The following HEMK2 variants were observed in gnomAD, a reference collection of about 807,000 sequenced individuals.
HEMK2 encodes methyltransferase HEMK2.
the HEMK2 span, among the ~76,000 whole-genome samples, chr21:28,803,360 TTAAGAAATGGCCTTTG>T: frequency 6.6e-6 from 1 of 152,140 alleles, no homozygotes; most frequent in East Asian, 1.9e-4. Flanking sequence ...TAATAGAATC[TTAAGAAATGGCCTTTG>T]TATACATAGT....
the HEMK2 span, among the ~76,000 whole-genome samples, chr21:28,619,709 A>G: frequency 5.9e-5 from 9 of 152,322 alleles, no homozygotes; most frequent in Non-Finnish European, 1.2e-4. Context: ...TAGAAGAACT[A>G]TTGATTCAGT....
At chr21:28,861,070 C>G in the HEMK2 span, among the ~76,000 whole-genome samples, 2 of 152,212 alleles carry the variant, frequency 1.3e-5, no homozygotes, top group African/African-American at 4.8e-5. Flanking sequence ...AAGATATACC[C>G]TTGACCAATG....
At chr21:28,738,370 T>C in the HEMK2 span, among the ~76,000 whole-genome samples, 2 of 152,160 alleles carry the variant, frequency 1.3e-5, no homozygotes, top group Non-Finnish European at 2.9e-5. Flanking sequence ...GGAGAAGGTG[T>C]TGGCAACCTT....
chr21:28,689,234 G>A, the HEMK2 span, among the ~76,000 whole-genome samples: 4 of 152,108 alleles, frequency 2.6e-5, no homozygotes, highest in Admixed American at 2.0e-4. Flanking sequence ...AGAATATCCC[G>A]TTAAAAGCCA....
chr21:28,812,045 G>A, the HEMK2 span, among the ~76,000 whole-genome samples: 1 of 152,204 alleles, frequency 6.6e-6, no homozygotes, highest in South Asian at 2.1e-4. Flanking sequence ...AAACATTTAG[G>A]AAGAGATGTG....
chr21:28,794,931 G>T, the HEMK2 span, among the ~76,000 whole-genome samples: 2 of 152,188 alleles, frequency 1.3e-5, no homozygotes, highest in African/African-American at 4.8e-5. Context: ...TTGACGATGG[G>T]TGCCATTAAA....
chr21:28,615,776 T>C, the HEMK2 span, among the ~76,000 whole-genome samples: 6 of 152,260 alleles, frequency 3.9e-5, no homozygotes, highest in African/African-American at 1.4e-4. Flanking sequence ...TAGAATTTTA[T>C]TTGTTAATGC....
At chr21:28,841,416 T>TATATATA in the HEMK2 span, among the ~76,000 whole-genome samples, 1 of 34,448 alleles carries the variant, frequency 2.9e-5, no homozygotes, top group African/African-American at 3.1e-4. Flanking sequence ...ATATATATAT[T>TATATATA]ATATATATAA....
chr21:28,724,147 G>C, the HEMK2 span, among the ~76,000 whole-genome samples: 1 of 152,282 alleles, frequency 6.6e-6, no homozygotes, highest in South Asian at 2.1e-4. Context: ...CTAATTACTT[G>C]TGAGAGTTAT....
At chr21:28,756,049 T>A in the HEMK2 span, among the ~76,000 whole-genome samples, 1 of 152,232 alleles carries the variant, frequency 6.6e-6, no homozygotes, top group Non-Finnish European at 1.5e-5. Context: ...GGCACAGTTT[T>A]CATGAGTGTT....
the HEMK2 span, among the ~76,000 whole-genome samples, chr21:28,599,669 T>G: frequency 1.3e-5 from 2 of 152,144 alleles, no homozygotes; most frequent in Non-Finnish European, 2.9e-5. Context: ...AAGTCTTAAC[T>G]AATTTCAGCA....
chr21:28,804,890 G>A, the HEMK2 span, among the ~76,000 whole-genome samples: 8 of 152,152 alleles, frequency 5.3e-5, no homozygotes, highest in Non-Finnish European at 8.8e-5. Flanking sequence ...TTTGCATACT[G>A]TTTGTAATTC....
At chr21:28,603,898 T>C in the HEMK2 span, among the ~76,000 whole-genome samples, 1 of 152,298 alleles carries the variant, frequency 6.6e-6, no homozygotes, top group East Asian at 1.9e-4. Context: ...GATTCCAGAG[T>C]GCATGTCTAC....
the HEMK2 span, among the ~76,000 whole-genome samples, chr21:28,841,355 T>A: frequency 4.4e-5 from 1 of 22,898 alleles, no homozygotes; most frequent in Non-Finnish European, 6.2e-5. Context: ...TATATAAATA[T>A]TATATATTAT....
At chr21:28,793,163 A>G in the HEMK2 span, among the ~76,000 whole-genome samples, 1 of 152,222 alleles carries the variant, frequency 6.6e-6, no homozygotes, top group African/African-American at 2.4e-5. Flanking sequence ...CTTAAAGGAA[A>G]GCAAACATGC....
At chr21:28,739,321 A>T in the HEMK2 span, among the ~76,000 whole-genome samples, 2 of 152,156 alleles carry the variant, frequency 1.3e-5, no homozygotes, top group Admixed American at 6.5e-5. Flanking sequence ...TTATTATAGT[A>T]AGGATTAGTA....
chr21:28,848,132 G>A, the HEMK2 span, among the ~76,000 whole-genome samples: 2 of 152,100 alleles, frequency 1.3e-5, no homozygotes, highest in East Asian at 3.9e-4. Flanking sequence ...ATGAATTTTA[G>A]AACAGTCTTT....
chr21:28,706,878 C>T, the HEMK2 span, among the ~76,000 whole-genome samples: 1 of 152,200 alleles, frequency 6.6e-6, no homozygotes, highest in African/African-American at 2.4e-5. Context: ...ACTTTTGAAA[C>T]TCCCAGTCAG....
At chr21:28,659,684 T>C in the HEMK2 span, among the ~76,000 whole-genome samples, 2,551 of 152,230 alleles carry the variant, frequency 0.017, 72 homozygotes, top group African/African-American at 0.057. Context: ...AGACATCTCA[T>C]GCTTAGCCCA....
Sources: allele counts gnomAD v4.1 joint callset (sites outside exome capture counted in the v4.1 genomes callset), GRCh38; gene constraint gnomAD v4.1.1; transcripts MANE v1.5; gene names NCBI Gene and HGNC (gene_info 2026-07-23, HGNC 2026-07-21).